Variants in EMCN observed in about 807,000 individuals in gnomAD.
EMCN encodes the protein MUC-14.
EMCN carries 37 observed loss-of-function variants against 38.4 expected under a neutral mutation model. The observed-to-expected ratio is 0.96, with a 90% CI of 0.74 to 1.27. The LOEUF is 1.27. Among genes scored for constraint, EMCN ranks in the 50% most tolerant of loss-of-function variants. The probability of loss-of-function intolerance (pLI) is 0.00; values close to 1 mark genes in which losing one functional copy is unlikely to be tolerated. For missense variants in EMCN, 318 were observed against 302.8 expected (o/e 1.05, Z -0.37); for synonymous variants, 95 against 100.8 (o/e 0.94, Z 0.35).
chr4:100,426,372 C>T (rs763855104), intron 5 of EMCN, among the ~76,000 whole-genome samples: 25 of 152,160 alleles, frequency 1.6e-4, no homozygotes, highest in African/African-American at 4.1e-4. Context: ...CTGGAGGATT[C>T]CCTGATGGTC....
chr4:100,477,941 T>C (rs1310353957), intron 2 of EMCN, among the ~76,000 whole-genome samples: 1 of 152,198 alleles, frequency 6.6e-6, no homozygotes, highest in Non-Finnish European at 1.5e-5. Context: ...ATGATAATTC[T>C]TAAGATAAAT....
At chr4:100,403,447 A>ATGGGCATCTAGGTTGG (rs141608043) in intron 11 of EMCN, among the ~76,000 whole-genome samples, 12,354 of 150,998 alleles carry the variant, frequency 0.082, 904 homozygotes, top group African/African-American at 0.19. Context: ...TCCACCACTG[A>ATGGGCATCTAGGTTGG]TGGGCATCTA....
rs1726149400 is a variant in EMCN, at chr4:100,397,540, G to T, written c.*873C>A. On this transcript the variant is annotated 3_prime_UTR_variant, in exon 12 of 12. Transcript: ENST00000296420. ...CATGGAGATAATATCAATCAAATGA[G>T]TTAATGAAAAATCATGATCCTATTA... is the stretch of plus-strand genomic sequence containing the variant. 1 of 152,130 alleles carries T rather than the reference G, an allele frequency of 6.6e-6. No individual in the cohort carries two copies. Among genetic ancestry groups the T allele is most frequent in the African/African-American group, 2.4e-5 (1 of 41,446 alleles). 9.4% of individuals were successfully genotyped at this position (152,130 alleles called of 1,614,324 possible).
At chr4:100,490,326 A>G (rs972752776) in intron 1 of EMCN, among the ~76,000 whole-genome samples, 4 of 152,228 alleles carry the variant, frequency 2.6e-5, no homozygotes, top group African/African-American at 9.6e-5. Flanking sequence ...TAAAAATGTC[A>G]TAAGGTAAAA....
intron 11 of EMCN, among the ~76,000 whole-genome samples, chr4:100,405,031 A>G (rs968164018): frequency 1.4e-4 from 22 of 152,038 alleles, no homozygotes; most frequent in African/African-American, 1.9e-4. Flanking sequence ...TTGTTGGTGT[A>G]TAGAAATGCT....
intron 11 of EMCN, among the ~76,000 whole-genome samples, chr4:100,404,297 T>C (rs1260783309): frequency 1.3e-5 from 2 of 152,198 alleles, no homozygotes; most frequent in Non-Finnish European, 2.9e-5. Flanking sequence ...CCAGCACTAT[T>C]CCTTGAATAG....
At chr4:100,421,485 T>C in intron 7 of EMCN, 108 bp from the exon 8 acceptor site, 1 of 824,882 alleles carries the variant, frequency 1.2e-6, no homozygotes, top group Non-Finnish European at 2.0e-6. Flanking sequence ...TTAAATATCA[T>C]TCTATTAAAA....
At chr4:100,508,195 G>A (rs1729532505) in intron 1 of EMCN, among the ~76,000 whole-genome samples, 1 of 152,080 alleles carries the variant, frequency 6.6e-6, no homozygotes, top group Admixed American at 6.5e-5. Context: ...AGCCTTGAGA[G>A]GTTAAAAATT....
At chr4:100,444,199 G>T (rs937547751) in intron 5 of EMCN, among the ~76,000 whole-genome samples, 2 of 152,202 alleles carry the variant, frequency 1.3e-5, no homozygotes. Context: ...GGAGGGCAGG[G>T]TGGCACAGCT....
At chr4:100,516,829 A>C (rs186004191) in intron 1 of EMCN, among the ~76,000 whole-genome samples, 155 of 152,248 alleles carry the variant, frequency 1.0e-3, no homozygotes, top group African/African-American at 3.6e-3. Flanking sequence ...GAGAATGAGC[A>C]AAATAAAATT....
At chr4:100,486,984 G>C in intron 1 of EMCN, 1 of 985,086 alleles carries the variant, frequency 1.0e-6, no homozygotes, top group South Asian at 4.7e-5. Context: ...AGTATAAGGA[G>C]TCATTTTATA....
chr4:100,419,093 C>G (rs551254856), intron 8 of EMCN, among the ~76,000 whole-genome samples: 18 of 151,870 alleles, frequency 1.2e-4, no homozygotes, highest in African/African-American at 4.3e-4. Flanking sequence ...TATTTTTTCC[C>G]TAGGAAACTA....
intron 3 of EMCN, among the ~76,000 whole-genome samples, chr4:100,472,772 C>T (rs901094251): frequency 6.6e-6 from 1 of 151,778 alleles, no homozygotes; most frequent in African/African-American, 2.4e-5. Flanking sequence ...TCTGACATAA[C>T]AATAGGCATA....
At chr4:100,514,292 G>A (rs867784248) in intron 1 of EMCN, among the ~76,000 whole-genome samples, 2 of 151,286 alleles carry the variant, frequency 1.3e-5, no homozygotes, top group African/African-American at 4.9e-5. Flanking sequence ...TCCTATTTCT[G>A]GTATTAAAAA....
At chr4:100,450,171 A>G (rs574362915) in intron 4 of EMCN, among the ~76,000 whole-genome samples, 55 of 152,136 alleles carry the variant, frequency 3.6e-4, no homozygotes, top group African/African-American at 1.3e-3. Flanking sequence ...GTCAAATAGC[A>G]AATTAGCAGT....
intron 4 of EMCN, among the ~76,000 whole-genome samples, chr4:100,460,147 G>A (rs1470961694): frequency 6.6e-6 from 1 of 152,038 alleles, no homozygotes; most frequent in East Asian, 1.9e-4. Flanking sequence ...AACTCATAGT[G>A]GTTTTAATTT....
intron 4 of EMCN, among the ~76,000 whole-genome samples, chr4:100,458,830 C>A (rs1370333878): frequency 1.3e-5 from 2 of 152,196 alleles, no homozygotes; most frequent in Non-Finnish European, 2.9e-5. Context: ...AGACAAAAAA[C>A]TCTGCCTCCT....
intron 5 of EMCN, among the ~76,000 whole-genome samples, chr4:100,433,457 C>T (rs1727258195): frequency 6.6e-6 from 1 of 152,048 alleles, no homozygotes; most frequent in Non-Finnish European, 1.5e-5. Flanking sequence ...TGGGTATATG[C>T]CCAGAAAAAG....
intron 11 of EMCN, among the ~76,000 whole-genome samples, chr4:100,405,476 T>C (rs933035137): frequency 6.6e-6 from 1 of 152,158 alleles, no homozygotes; most frequent in Non-Finnish European, 1.5e-5. Context: ...ATTAAGATGA[T>C]CATGCAATTT....
Sources: gnomAD v4.1 joint callset for allele counts (sites outside exome capture counted in the v4.1 genomes callset) on GRCh38, gnomAD v4.1.1 for gene constraint, MANE v1.5 for transcripts, NCBI Gene and HGNC (gene_info 2026-07-23, HGNC 2026-07-21) for gene names.